The following UTRN variants were observed in gnomAD, a reference collection of about 807,000 sequenced individuals.
The protein encoded by UTRN is dystrophin-related protein 1.
A neutral mutation model predicts 463.9 loss-of-function variants in UTRN; 283 were observed. That is an observed-to-expected ratio of 0.61 (90% CI 0.55 to 0.67). The LOEUF (loss-of-function observed/expected upper bound fraction) is 0.67, where lower values mean the gene tolerates loss of function less well. Among genes scored for constraint, UTRN ranks in the 30% least tolerant of loss-of-function variants. The pLI, the probability that UTRN is intolerant of heterozygous loss-of-function variation, is 0.00. For missense variants in UTRN, 3,922 were observed against 4,084.3 expected (o/e 0.96, Z 1.08); for synonymous variants, 1,442 against 1,431.5 (o/e 1.01, Z -0.17).
rs902103548 is a variant in UTRN at position 144,537,528 on chromosome 6, T to G, written c.6234-54T>G. 2.3e-5 allele frequency: 32 copies of G among 1,373,684 alleles called. No homozygotes were observed. The East Asian group carries it at 9.1e-4, about 39-fold the overall frequency. 85.1% of individuals were successfully genotyped at this position (1,373,684 alleles called of 1,614,324 possible). A position where few individuals can be genotyped will look rare whatever the true frequency, so the allele number is the denominator to read the frequency against. On this transcript the variant is annotated intron_variant, in intron 43 of 74. Transcript: ENST00000367545. ...GATATTCAAAGCAAATATGTAAGGT[T>G]CTGCTTAATTGGACAGTTTTTCCTC...
chr6:144,630,573 CT>C (rs895026878), intron 51 of UTRN, among the ~76,000 whole-genome samples: 5 of 151,938 alleles, frequency 3.3e-5, no homozygotes, highest in South Asian at 2.1e-4. Flanking sequence ...ACCTTTCCCC[CT>C]GATTCAGTTA....
At chr6:144,731,187 A>T (rs1261883393) in intron 54 of UTRN, among the ~76,000 whole-genome samples, 2 of 151,730 alleles carry the variant, frequency 1.3e-5, no homozygotes, top group African/African-American at 4.8e-5. Context: ...CAAGCAGACA[A>T]CATTTGTTTA....
rs780361567 is a variant in UTRN at position 144,491,072 on chromosome 6, C to T, written c.4407C>T (p.Asp1469=). 8.4e-5 allele frequency: 136 copies of T among 1,611,886 alleles called. 3 individuals carry two copies. In the South Asian group the frequency reaches 1.3e-3, roughly 16 times the overall value. ...HVLDVKDVDP[D]VIQTHLDKCM... is the part of the protein sequence containing the mutation. ...TGGATGTGAAGGACGTAGACCCTGA[C>T]GTCATACAGACGCACCTGGACAAGT... Residue 1469 remains aspartate (D), a synonymous_variant, in exon 32 of 75, where the codon GAC becomes GAT. Coordinates refer to ENST00000367545, the MANE Select transcript of UTRN (RefSeq NM_007124.3).
intron 42 of UTRN, 23 bp downstream of exon 42, chr6:144,531,225 G>A (rs1797030536): frequency 1.2e-6 from 2 of 1,612,454 alleles, no homozygotes; most frequent in Admixed American, 1.7e-5. Context: ...TGTTAGAGGA[G>A]GGGGACTGCA....
intron 51 of UTRN, among the ~76,000 whole-genome samples, chr6:144,604,837 C>T (rs746174290): frequency 5.3e-5 from 8 of 152,138 alleles, no homozygotes; most frequent in Middle Eastern, 3.4e-3. Flanking sequence ...ATCACTTGAA[C>T]GCGGGAGGCA....
intron 41 of UTRN, among the ~76,000 whole-genome samples, chr6:144,530,822 G>T (rs1049020945): frequency 1.3e-5 from 2 of 152,122 alleles, no homozygotes; most frequent in South Asian, 4.2e-4. Flanking sequence ...GGATTTGGTA[G>T]CTGGTGGTGT....
chr6:144,553,192 C>T (rs911795598), intron 48 of UTRN, among the ~76,000 whole-genome samples: 4 of 152,132 alleles, frequency 2.6e-5, no homozygotes, highest in Non-Finnish European at 5.9e-5. Flanking sequence ...CACCTGCCAC[C>T]ATGCCCAGCT....
At chr6:144,289,091 T>G (rs763949478) in intron 1 of UTRN, among the ~76,000 whole-genome samples, 1 of 152,146 alleles carries the variant, frequency 6.6e-6, no homozygotes, top group African/African-American at 2.4e-5. Flanking sequence ...TGAGCCACCA[T>G]GCTGGGCCCA....
chr6:144,750,404 C>T (rs1207752859), intron 55 of UTRN, among the ~76,000 whole-genome samples: 2 of 152,096 alleles, frequency 1.3e-5, no homozygotes, highest in Non-Finnish European at 2.9e-5. Context: ...GCATCCCTTC[C>T]TCTACCCTGT....
intron 37 of UTRN, 33 bp from the exon 38 acceptor site, chr6:144,516,196 A>G: frequency 6.3e-6 from 10 of 1,599,144 alleles, no homozygotes; most frequent in South Asian, 1.1e-5. Flanking sequence ...CAAATTAAAA[A>G]TCTATTTTCA....
At chr6:144,825,426 C>A (rs952914966) in intron 66 of UTRN, among the ~76,000 whole-genome samples, 1 of 152,132 alleles carries the variant, frequency 6.6e-6, no homozygotes, top group Non-Finnish European at 1.5e-5. Flanking sequence ...TTTTTTTCTA[C>A]AAATCAAAAT....
chr6:144,585,815 C>T (rs1018862215), intron 51 of UTRN, among the ~76,000 whole-genome samples: 5 of 152,042 alleles, frequency 3.3e-5, no homozygotes, highest in African/African-American at 9.7e-5. Flanking sequence ...CTCCCACATT[C>T]TCTAAATTTA....
chr6:144,569,532 A>G (rs756038774), intron 50 of UTRN, among the ~76,000 whole-genome samples: 3 of 152,210 alleles, frequency 2.0e-5, no homozygotes, highest in Non-Finnish European at 2.9e-5. Context: ...TTATATGTGT[A>G]TATCTCATTT....
At chr6:144,606,309 G>C (rs760230579) in intron 51 of UTRN, among the ~76,000 whole-genome samples, 5 of 152,168 alleles carry the variant, frequency 3.3e-5, no homozygotes, top group Non-Finnish European at 7.4e-5. Flanking sequence ...CCAAAAGAGA[G>C]AGCAAGAAAG....
intron 25 of UTRN, among the ~76,000 whole-genome samples, chr6:144,477,485 G>A (rs545901144): frequency 6.6e-6 from 1 of 151,492 alleles, no homozygotes; most frequent in South Asian, 2.1e-4. Flanking sequence ...TCAGAGACTT[G>A]CTAATGTTTT....
At chr6:144,824,432 A>G (rs1038041620) in intron 66 of UTRN, among the ~76,000 whole-genome samples, 2 of 96,934 alleles carry the variant, frequency 2.1e-5, no homozygotes, top group Non-Finnish European at 3.8e-5. Flanking sequence ...ACACACACAC[A>G]TTGTATATAT....
intron 50 of UTRN, among the ~76,000 whole-genome samples, chr6:144,570,390 G>A (rs945453201): frequency 2.0e-5 from 3 of 152,162 alleles, no homozygotes; most frequent in Non-Finnish European, 4.4e-5. Flanking sequence ...GCCTCCTGGG[G>A]AGGTGAGCCA....
At chr6:144,479,108 C>T (rs1426466703) in intron 25 of UTRN, among the ~76,000 whole-genome samples, 9 of 139,072 alleles carry the variant, frequency 6.5e-5, no homozygotes, top group East Asian at 2.1e-4. Flanking sequence ...TTGATTGCTT[C>T]TAGGGGTTTT....
chr6:144,522,965 T>C (rs754423455), intron 40 of UTRN, 51 bp from the exon 41 acceptor site: 2 of 1,360,442 alleles, frequency 1.5e-6, no homozygotes, highest in South Asian at 1.6e-5. Flanking sequence ...CTGTGATTCC[T>C]TTTTTTGTTA....
Sources: allele counts gnomAD v4.1 joint callset (sites outside exome capture counted in the v4.1 genomes callset), GRCh38; gene constraint gnomAD v4.1.1; transcripts MANE v1.5; gene names NCBI Gene and HGNC (gene_info 2026-07-23, HGNC 2026-07-21).